TRIP11: variants seen among roughly 807,000 people sequenced by gnomAD.
TRIP11 encodes thyroid hormone receptor interactor 11.
Under a neutral mutation model 223.1 loss-of-function variants are expected in TRIP11, and 148 were observed. The ratio of observed to expected loss-of-function variants is 0.66; its 90% CI spans 0.58 to 0.76. The LOEUF is 0.76. Ranked by LOEUF, TRIP11 falls within the 30% of genes least tolerant of loss-of-function variation. TRIP11 has a pLI of 0.00. For missense variants in TRIP11, 2,043 were observed against 2,222.0 expected (o/e 0.92, Z 1.62); for synonymous variants, 762 against 772.6 (o/e 0.99, Z 0.23).
At chr14:91,986,817 T>G (rs1415042293) in intron 16 of TRIP11, among the ~76,000 whole-genome samples, 1 of 152,178 alleles carries the variant, frequency 6.6e-6, no homozygotes, top group Admixed American at 6.5e-5. Context: ...AACTAGACTG[T>G]TTTCTAAATA....
rs1474612507 is a variant in TRIP11 at position 91,978,619 on chromosome 14, CT to C, written c.5261-2431del. 4.6e-5 allele frequency among the ~76,000 whole-genome samples: 7 copies of C among 152,070 alleles called. No homozygotes were observed. Among genetic ancestry groups the C allele is most frequent in the Admixed American group, 3.3e-4 (5 of 15,262 alleles). On this transcript the variant is annotated intron_variant, in intron 16 of 20. Coordinates refer to ENST00000267622, the MANE Select transcript of TRIP11 (RefSeq NM_004239.4). The surrounding 1 kb of genome is among the most constrained non-coding windows in gnomAD (Gnocchi z 4.4). ...GGTCAAGCCATCCTCCTGCCTCAGC[CT>C]CAGGAAATAGTTGAGATTACCAGTG... is the stretch of plus-strand genomic sequence containing the variant.
chr14:92,025,607 G>A (rs1353902447), intron 2 of TRIP11, among the ~76,000 whole-genome samples, 187 bp from the exon 3 acceptor site: 1 of 151,890 alleles, frequency 6.6e-6, no homozygotes, highest in Admixed American at 6.5e-5. Context: ...GACCAGCCGG[G>A]CACTGTGGCT....
chr14:92,017,582 A>G lies in TRIP11; in HGVS notation c.657+100T>C, dbSNP rs570571692. ...GAAGTACCATAATCTATATAATGAT[A>G]ATGACTTTTATAACTGAGACTTTTA... On this transcript the variant is annotated intron_variant, in intron 5 of 20. Transcript: ENST00000267622. 1.5e-3 allele frequency: 1,340 copies of G among 886,616 alleles called. 6 individuals are homozygous for G. Among genetic ancestry groups the G allele is most frequent in the Admixed American group, 2.5e-3 (117 of 45,990 alleles). The allele number at this position is 886,616 out of a possible 1,614,324, so 54.9% of individuals were successfully genotyped here.
At chr14:92,016,308 C>T (rs2057034748) in intron 5 of TRIP11, among the ~76,000 whole-genome samples, 2 of 152,112 alleles carry the variant, frequency 1.3e-5, no homozygotes, top group African/African-American at 4.8e-5. Flanking sequence ...GCCTTCCTAC[C>T]CAAGTTGAGC....
intron 15 of TRIP11, among the ~76,000 whole-genome samples, chr14:91,993,570 C>T (rs892146518): frequency 1.2e-4 from 13 of 110,512 alleles, no homozygotes; most frequent in Non-Finnish European, 2.4e-4. Flanking sequence ...TAAAATACCT[C>T]TATGTGCCAA....
At chr14:92,016,111 C>T (rs1043030567) in intron 5 of TRIP11, among the ~76,000 whole-genome samples, 3 of 152,180 alleles carry the variant, frequency 2.0e-5, no homozygotes, top group African/African-American at 2.4e-5. Context: ...CTAAAACAAA[C>T]GATAAGTAAA....
intron 1 of TRIP11, among the ~76,000 whole-genome samples, chr14:92,034,780 A>T (rs1330726812): frequency 1.3e-5 from 2 of 152,170 alleles, no homozygotes; most frequent in Non-Finnish European, 2.9e-5. Context: ...CTACAGGCAC[A>T]TGCGACCACA....
Position 92,003,860 on chromosome 14 carries a change from T to G in TRIP11, c.4116A>C (p.Arg1372Ser). The G allele has an allele frequency of 6.2e-7, 1 of 1,614,074 alleles. No individual in the cohort carries two copies. Among genetic ancestry groups the G allele is most frequent in the Non-Finnish European group, 8.5e-7 (1 of 1,180,034 alleles). The change falls in exon 11 of 21, where the codon AGA (arginine) becomes AGC (serine). Residue 1372 changes from arginine to serine, a missense_variant. Physicochemically the swap from Arg to Ser is moderately radical, Grantham distance 110. Coordinates refer to ENST00000267622, the MANE Select transcript of TRIP11 (RefSeq NM_004239.4). Reference sequence around the variant, plus strand: ...AGGTGGCAGCAATCGAATCAGACAATCTGTGGTTATTTTCCTGGAGAGTTC... The same window carrying G: ...AGGTGGCAGCAATCGAATCAGACAAGCTGTGGTTATTTTCCTGGAGAGTTC... ...TIRTLQENNH[R>S]LSDSIAATSE...
intron 8 of TRIP11, among the ~76,000 whole-genome samples, chr14:92,011,383 C>T (rs1353306747): frequency 4.3e-5 from 6 of 140,432 alleles, no homozygotes; most frequent in South Asian, 2.4e-4. Flanking sequence ...CCCAGCTACT[C>T]GGGAGGCTGA....
At chr14:92,019,643 TA>T (rs2057084650) in intron 4 of TRIP11, among the ~76,000 whole-genome samples, 1 of 152,196 alleles carries the variant, frequency 6.6e-6, no homozygotes, top group Non-Finnish European at 1.5e-5. Flanking sequence ...TAAATCCAAA[TA>T]AACAGTGTTC....
chr14:91,997,108 A>G (rs1318398506), intron 13 of TRIP11, among the ~76,000 whole-genome samples: 2 of 152,138 alleles, frequency 1.3e-5, no homozygotes, highest in Non-Finnish European at 2.9e-5. Context: ...CAGCTCCCAA[A>G]TATCTCTGGA....
intron 15 of TRIP11, 34 bp from the exon 16 acceptor site, chr14:91,988,417 C>T (rs776673412): frequency 6.3e-7 from 1 of 1,575,722 alleles, no homozygotes; most frequent in Admixed American, 1.7e-5. Context: ...AAAAAGTATG[C>T]AAAAATTATT....
chr14:92,020,941 G>A (rs887900171), intron 4 of TRIP11, among the ~76,000 whole-genome samples: 8 of 151,430 alleles, frequency 5.3e-5, no homozygotes, highest in Admixed American at 6.6e-5. Flanking sequence ...ATGGTGGCAC[G>A]CACCTATAAT....
chr14:92,039,739 C>A lies in TRIP11; in HGVS notation c.-54G>T. ...CGCTCGGAAAAAAGAAAACGTTTAG[C>A]GCCGCCGGGCGATCCGACCAAATAT... On this transcript the variant is annotated 5_prime_UTR_variant, in exon 1 of 21. Coordinates refer to ENST00000267622, the MANE Select transcript of TRIP11 (RefSeq NM_004239.4). The A allele has an allele frequency of 1.9e-6, 3 of 1,571,976 alleles. 1 individual carries two copies. In the South Asian group the frequency reaches 3.5e-5, roughly 18 times the overall value.
intron 15 of TRIP11, among the ~76,000 whole-genome samples, chr14:91,992,079 C>CAAAA (rs3031548): frequency 1.1e-3 from 63 of 59,682 alleles, no homozygotes; most frequent in Middle Eastern, 0.018. Context: ...AACGCCGTCT[C>CAAAA]AAAAAAAAAA....
chr14:92,039,790 A>G lies in TRIP11; in HGVS notation c.-105T>C, dbSNP rs1160137320. 1 of 1,549,218 alleles carries G rather than the reference A, an allele frequency of 6.5e-7. No individual in the cohort carries two copies. Among genetic ancestry groups the G allele is most frequent in the African/African-American group, 1.4e-5 (1 of 73,110 alleles). Reference sequence around the variant, plus strand: ...CCTTGAACGCCTGCCTTCGCGAGACAGGATACGATAACACAAAGCTGGGTT... The same window carrying G: ...CCTTGAACGCCTGCCTTCGCGAGACGGGATACGATAACACAAAGCTGGGTT... On this transcript the variant is annotated 5_prime_UTR_variant, in exon 1 of 21. Coordinates refer to ENST00000267622, the MANE Select transcript of TRIP11 (RefSeq NM_004239.4).
chr14:92,023,848 T>A (rs565111799), intron 3 of TRIP11, among the ~76,000 whole-genome samples: 2 of 151,984 alleles, frequency 1.3e-5, no homozygotes, highest in African/African-American at 4.8e-5. Context: ...TAATTTTATA[T>A]CTGCTGAACT....
chr14:91,975,113 T>C (rs2056447705), intron 18 of TRIP11, 59 bp downstream of exon 18: 2 of 1,441,582 alleles, frequency 1.4e-6, no homozygotes, highest in African/African-American at 2.8e-5. Flanking sequence ...GAAGTAATTG[T>C]CTACAAAGCC....
chr14:92,015,183 C>T (rs1381460405), intron 6 of TRIP11, among the ~76,000 whole-genome samples: 3 of 152,130 alleles, frequency 2.0e-5, no homozygotes, highest in Non-Finnish European at 4.4e-5. Context: ...GGGTTATAGC[C>T]ATAAGCCACC....
Sources: gnomAD v4.1 joint callset for allele counts (sites outside exome capture counted in the v4.1 genomes callset) on GRCh38, gnomAD v4.1.1 for gene constraint, Gnocchi (gnomAD v3.1) non-coding constraint, MANE v1.5 for transcripts, NCBI Gene and HGNC (gene_info 2026-07-23, HGNC 2026-07-21) for gene names.